SNRPA: variants seen among roughly 807,000 people sequenced by gnomAD.
SNRPA encodes the protein small nuclear ribonucleoprotein polypeptide A.
In SNRPA, 10 loss-of-function variants were observed where a neutral mutation model predicts 24.5. The observed-to-expected ratio is 0.41, with a 90% CI of 0.25 to 0.69. The LOEUF (loss-of-function observed/expected upper bound fraction) is 0.69, where lower values mean the gene tolerates loss of function less well. Ranked by LOEUF, SNRPA falls within the 30% of genes least tolerant of loss-of-function variation. The probability of loss-of-function intolerance (pLI) is 0.33; values close to 1 mark genes in which losing one functional copy is unlikely to be tolerated. For synonymous variants in SNRPA, 165 were observed against 148.4 expected, an observed-to-expected ratio of 1.11 and a Z score of -0.81; for missense variants, 283 against 394.7, an observed-to-expected ratio of 0.72 and a Z score of 2.40.
chr19:40,757,328 G>A lies in SNRPA; in HGVS notation c.74-4G>A. The A allele has an allele frequency of 1.9e-6, 3 of 1,613,722 alleles. No individual in the cohort carries two copies. The highest frequency in any genetic ancestry group is 1.1e-5 in the South Asian group (1 of 91,058). On this transcript the variant is annotated splice_polypyrimidine_tract_variant and splice_region_variant and intron_variant, in intron 1 of 5. Coordinates refer to ENST00000243563, the MANE Select transcript of SNRPA (RefSeq NM_004596.5). ...CTCAAAGGTCTTTTTTTCCCCCACT[G>A]CAGAGCTAAAAAAGTCCCTGTACGC... is the stretch of plus-strand genomic sequence containing the variant.
chr19:40,754,649 C>T (rs912854579), intron 1 of SNRPA, among the ~76,000 whole-genome samples: 4 of 152,130 alleles, frequency 2.6e-5, no homozygotes, highest in African/African-American at 9.7e-5. Context: ...AAGAGCCTGG[C>T]GTATTCTGAG....
chr19:40,759,129 C>G, intron 2 of SNRPA, among the ~76,000 whole-genome samples: 1 of 149,366 alleles, frequency 6.7e-6, no homozygotes, highest in East Asian at 2.0e-4. Flanking sequence ...TGCTTGAACC[C>G]GGGAGGCAGA....
At chr19:40,757,227 A>G in intron 1 of SNRPA, 105 bp from the exon 2 acceptor site, 2 of 1,074,332 alleles carry the variant, frequency 1.9e-6, no homozygotes, top group East Asian at 2.4e-5. Context: ...GAGATTATGG[A>G]CCCGAGGCAT....
rs187556688 is a variant in SNRPA at position 40,759,855 on chromosome 19, G to A, written c.426+245G>A. Among the ~76,000 whole-genome samples, 7 of 152,244 alleles carry A rather than the reference G, an allele frequency of 4.6e-5. No individual in the cohort carries two copies. In the East Asian group the frequency reaches 9.7e-4, roughly 21 times the overall value. On this transcript the variant is annotated intron_variant, in intron 3 of 5. Coordinates refer to ENST00000243563, the MANE Select transcript of SNRPA (RefSeq NM_004596.5). ...TCTCAAGGTCTTTCTTCATGGCTAT[G>A]ACTTGGTTTCGCTCTCTCCGTGGCC...
At chr19:40,756,989 GC>G (rs1489635508) in intron 1 of SNRPA, 2 of 283,130 alleles carry the variant, frequency 7.1e-6, no homozygotes, top group African/African-American at 4.6e-5. Context: ...GGGGAAATCT[GC>G]CAGGGCCACG....
intron 2 of SNRPA, among the ~76,000 whole-genome samples, chr19:40,759,043 A>G (rs1007497585): frequency 2.6e-5 from 4 of 151,596 alleles, no homozygotes; most frequent in African/African-American, 7.3e-5. Context: ...CCCTGTCTCT[A>G]CTAAAAGCAC....
intron 3 of SNRPA, among the ~76,000 whole-genome samples, chr19:40,762,373 C>A (rs1484955218): frequency 3.3e-5 from 5 of 152,020 alleles, no homozygotes; most frequent in African/African-American, 4.8e-5. Context: ...CCCACCACCA[C>A]GCCTGGCTAA....
intron 5 of SNRPA, 137 bp downstream of exon 5, chr19:40,763,812 T>C (rs1407837171): frequency 1.6e-5 from 12 of 743,812 alleles, no homozygotes; most frequent in Non-Finnish European, 2.6e-5. Flanking sequence ...ACCAAAGATG[T>C]GAAAGGAGGA....
rs751695164 is a variant in SNRPA at position 40,762,956 on chromosome 19, C to T, written c.482C>T (p.Pro161Leu). ...PRIMHHMPGQPPYMPPPGMIP... is the reference protein window; with the variant it reads ...PRIMHHMPGQLPYMPPPGMIP... ...ATTATGCACCACATGCCGGGCCAGC[C>T]GCCCTACATGCCGCCCCCTGGTATG... Residue 161 changes from proline to leucine, a missense_variant, in exon 4 of 6, where the codon CCG becomes CTG. Coordinates refer to ENST00000243563, the MANE Select transcript of SNRPA (RefSeq NM_004596.5). 6.2e-6 allele frequency: 10 copies of T among 1,613,686 alleles called. No individual in the cohort carries two copies. The highest frequency in any genetic ancestry group is 1.3e-5 in the African/African-American group (1 of 74,910).
intron 5 of SNRPA, 26 bp from the exon 6 acceptor site, chr19:40,764,982 C>A: frequency 6.6e-7 from 1 of 1,523,406 alleles, no homozygotes; most frequent in South Asian, 1.3e-5. Context: ...AATGCTGAGT[C>A]CCTGAGGTCT....
intron 2 of SNRPA, among the ~76,000 whole-genome samples, chr19:40,759,072 G>T (rs561911750): frequency 6.6e-6 from 1 of 151,866 alleles, no homozygotes; most frequent in African/African-American, 2.4e-5. Flanking sequence ...GCCAGGCGTG[G>T]TGGTGGGCGC....
At chr19:40,762,455 G>A (rs1003968315) in intron 3 of SNRPA, among the ~76,000 whole-genome samples, 1 of 151,956 alleles carries the variant, frequency 6.6e-6, no homozygotes, top group Non-Finnish European at 1.5e-5. Context: ...AACCTCAGGC[G>A]ATCCGCCTGC....
chr19:40,754,099 C>T (rs181405751), intron 1 of SNRPA, among the ~76,000 whole-genome samples: 1,354 of 95,688 alleles, frequency 0.014, 20 homozygotes, highest in African/African-American at 0.041. Flanking sequence ...CAGCGCCCGG[C>T]GTTTTTTTTT....
chr19:40,761,843 T>G (rs1053966594), intron 3 of SNRPA, among the ~76,000 whole-genome samples: 1 of 152,088 alleles, frequency 6.6e-6, no homozygotes, highest in African/African-American at 2.4e-5. Flanking sequence ...AGTGGAAACA[T>G]CCTGTTTTCC....
intron 1 of SNRPA, among the ~76,000 whole-genome samples, chr19:40,751,844 A>T (rs575525637): frequency 4.6e-5 from 7 of 151,678 alleles, no homozygotes; most frequent in Admixed American, 4.6e-4. Context: ...TGGCCTTTGA[A>T]CTCCGTGAGG....
Position 40,759,336 on chromosome 19 carries a change from C to G in SNRPA, c.247-95C>G, listed in dbSNP as rs892184097. The G allele has an allele frequency of 3.3e-5, 41 of 1,232,732 alleles. No homozygotes were observed. In the African/African-American group the frequency reaches 6.0e-4, roughly 18 times the overall value. 76.4% of individuals were successfully genotyped at this position (1,232,732 alleles called of 1,614,324 possible). Reference sequence around the variant, plus strand: ...AAGGGCTGGGATTACAGGCATGAGCCGCAGCACCTGGCCCCTGATAAAGGT... The same window carrying G: ...AAGGGCTGGGATTACAGGCATGAGCGGCAGCACCTGGCCCCTGATAAAGGT... On this transcript the variant is annotated intron_variant, in intron 2 of 5. Coordinates refer to ENST00000243563, the MANE Select transcript of SNRPA (RefSeq NM_004596.5).
chr19:40,753,389 T>TTTTTTTTG (rs2082893462), intron 1 of SNRPA, among the ~76,000 whole-genome samples: 8 of 89,060 alleles, frequency 9.0e-5, no homozygotes, highest in African/African-American at 2.4e-4. Flanking sequence ...CATATGTTTT[T>TTTTTTTTG]TTTTTTTTTT....
intron 1 of SNRPA, among the ~76,000 whole-genome samples, chr19:40,755,665 C>T (rs1281614297): frequency 6.6e-6 from 1 of 152,218 alleles, no homozygotes; most frequent in East Asian, 1.9e-4. Flanking sequence ...TGTGAGCCAC[C>T]ATGCTTGGCC....
intron 5 of SNRPA, among the ~76,000 whole-genome samples, chr19:40,764,564 C>T (rs114184462): frequency 0.019 from 2,852 of 152,226 alleles, 67 homozygotes; most frequent in African/African-American, 0.05. Context: ...CGGTGGCTCA[C>T]GCCTAAAATC....
Sources: allele counts gnomAD v4.1 joint callset (sites outside exome capture counted in the v4.1 genomes callset), GRCh38; gene constraint gnomAD v4.1.1; transcripts MANE v1.5; gene names NCBI Gene and HGNC (gene_info 2026-07-23, HGNC 2026-07-21).